NDUFS7: variants seen among roughly 807,000 people sequenced by gnomAD.
NDUFS7 encodes the protein NADH dehydrogenase [ubiquinone] iron-sulfur protein 7, mitochondrial.
NDUFS7 carries 11 observed loss-of-function variants against 31.1 expected under a neutral mutation model. That is an observed-to-expected ratio of 0.35 (90% confidence interval 0.22 to 0.59). The LOEUF (loss-of-function observed/expected upper bound fraction) is 0.59, where lower values mean the gene tolerates loss of function less well. Among genes scored for constraint, NDUFS7 ranks in the 20% least tolerant of loss-of-function variants. NDUFS7 has a pLI of 0.79. For synonymous variants in NDUFS7, 136 were observed against 127.9 expected, an observed-to-expected ratio of 1.06 and a Z score of -0.43; for missense variants, 263 against 324.2, an observed-to-expected ratio of 0.81 and a Z score of 1.45.
intron 1 of NDUFS7, among the ~76,000 whole-genome samples, chr19:1,385,512 T>TCAAAAA (rs569820961): frequency 9.1e-5 from 13 of 142,780 alleles, no homozygotes; most frequent in Non-Finnish European, 1.5e-4. Context: ...AAACTCCGTC[T>TCAAAAA]CAAAAACAAA....
intron 1 of NDUFS7, 38 bp downstream of exon 1, chr19:1,383,980 G>A (rs755328527): frequency 7.8e-6 from 12 of 1,547,836 alleles, no homozygotes; most frequent in South Asian, 1.2e-5. Flanking sequence ...GGGCCGCGCG[G>A]GTCTGGGGCC....
intron 7 of NDUFS7, chr19:1,394,949 C>T (rs2082585696): frequency 8.9e-7 from 1 of 1,119,260 alleles, no homozygotes; most frequent in South Asian, 2.2e-5. Flanking sequence ...TCATCGGGTC[C>T]TCGTGGGATG....
At chr19:1,395,322 G>A (rs911482124) in intron 7 of NDUFS7, 69 bp from the exon 8 acceptor site, 92 of 1,545,360 alleles carry the variant, frequency 6.0e-5, no homozygotes, top group African/African-American at 2.0e-4. Flanking sequence ...AAGCCGAGCC[G>A]GCTGCGCTGT....
chr19:1,390,562 G>A (rs534457093), intron 4 of NDUFS7: 36 of 523,658 alleles, frequency 6.9e-5, no homozygotes, highest in Non-Finnish European at 1.2e-4. Flanking sequence ...TGTAGCCCAC[G>A]CGCTCAGAGA....
chr19:1,389,714 C>T (rs1644722046), intron 4 of NDUFS7: 3 of 348,976 alleles, frequency 8.6e-6, no homozygotes, highest in South Asian at 6.5e-5. Context: ...TGAGCACGTG[C>T]AGCTCCCTCC....
chr19:1,388,899 G>A lies in NDUFS7; in HGVS notation c.189G>A (p.Val63=), dbSNP rs774148682. Reference sequence around the variant, plus strand: ...AACCCAGCAGCCGGGGCGAGTATGTGGTGGCCAAGCTGGATGACCTCGTCA... The same window carrying A: ...AACCCAGCAGCCGGGGCGAGTATGTAGTGGCCAAGCTGGATGACCTCGTCA... ...APKPSSRGEY[V]VAKLDDLVNW... Residue 63 remains valine, a synonymous_variant, in exon 4 of 8, where the codon GTG becomes GTA. Transcript: ENST00000233627. 1.5e-5 allele frequency: 24 copies of A among 1,610,306 alleles called. 1 individual carries two copies. The highest frequency in any genetic ancestry group is 1.8e-5 in the Non-Finnish European group (21 of 1,178,714).
At chr19:1,389,798 GT>G (rs1568991404) in intron 4 of NDUFS7, 2 of 327,706 alleles carry the variant, frequency 6.1e-6, no homozygotes, top group South Asian at 2.5e-5. Flanking sequence ...GTTTCCTTTT[GT>G]TTTTTGTTTC....
chr19:1,387,719 G>GT, intron 1 of NDUFS7, 92 bp from the exon 2 acceptor site: 1 of 1,178,540 alleles, frequency 8.5e-7, no homozygotes. Context: ...GAGCTAGGCT[G>GT]TGCGGGCAGG....
intron 3 of NDUFS7, 30 bp from the exon 4 acceptor site, chr19:1,388,803 G>A (rs1187196168): frequency 2.6e-6 from 4 of 1,564,054 alleles, no homozygotes; most frequent in Non-Finnish European, 3.5e-6. Context: ...CGTGGCTGAC[G>A]CCTCCTGTGC....
At position 1,390,969 on chromosome 19, in the gene NDUFS7, C is replaced by T. The variant is rs150286318; in HGVS notation, c.327C>T (p.Val109=). 4.2e-5 allele frequency: 68 copies of T among 1,612,472 alleles called. 1 individual carries two copies. In the African/African-American group the frequency reaches 8.5e-4, roughly 20 times the overall value. Residue 109 remains valine (V), a synonymous_variant, in exon 5 of 8, where the codon GTC becomes GTT. Coordinates refer to ENST00000233627, the MANE Select transcript of NDUFS7 (RefSeq NM_024407.5). ...PRYDMDRFGV[V]FRASPRQSDV... ...ACGACATGGACCGCTTTGGCGTGGT[C>T]TTCCGCGCCAGCCCGCGCCAGTCCG...
At chr19:1,388,363 G>C in intron 2 of NDUFS7, 162 bp from the exon 3 acceptor site, 1 of 693,496 alleles carries the variant, frequency 1.4e-6, no homozygotes, top group Non-Finnish European at 2.5e-6. Context: ...CGGGGCGATG[G>C]CCGCATGGCT....
chr19:1,395,323 G>T, intron 7 of NDUFS7, 68 bp from the exon 8 acceptor site: 1 of 1,546,560 alleles, frequency 6.5e-7, no homozygotes, highest in African/African-American at 1.4e-5. Context: ...AGCCGAGCCG[G>T]CTGCGCTGTG....
At position 1,394,318 on chromosome 19, in the gene NDUFS7, C is replaced by T. The variant is rs1015751944; in HGVS notation, c.544+988C>T. Reference sequence around the variant, plus strand: ...ACTTGACAGCACAGAGAGGTCCATCCTGGGGTCAGGAGCTCTGCCCATGCC... The same window carrying T: ...ACTTGACAGCACAGAGAGGTCCATCTTGGGGTCAGGAGCTCTGCCCATGCC... On this transcript the variant is annotated intron_variant, in intron 7 of 7. Transcript: ENST00000233627. The T allele has an allele frequency of 8.6e-6, 11 of 1,272,596 alleles. 1 individual carries two copies. The Admixed American group carries it at 1.6e-4, about 19-fold the overall frequency. The allele number at this position is 1,272,596 out of a possible 1,614,324, so 78.8% of individuals were successfully genotyped here.
At chr19:1,388,674 C>A in intron 3 of NDUFS7, 81 bp downstream of exon 3, 2 of 1,469,130 alleles carry the variant, frequency 1.4e-6, no homozygotes, top group African/African-American at 1.4e-5. Flanking sequence ...AGTGCCGCAG[C>A]CACTGAGGTG....
At chr19:1,391,258 A>G (rs1568994075) in intron 6 of NDUFS7, 93 bp downstream of exon 6, 106 of 1,465,240 alleles carry the variant, frequency 7.2e-5, no homozygotes, top group Non-Finnish European at 9.6e-5. Flanking sequence ...TGTCATCTAC[A>G]TTCAGTGAAA....
At position 1,393,510 on chromosome 19, in the gene NDUFS7, C is replaced by T. The variant is rs954544090; in HGVS notation, c.544+180C>T. The T allele has an allele frequency of 2.0e-5, 14 of 692,712 alleles. No homozygotes were observed. Among genetic ancestry groups the T allele is most frequent in the African/African-American group, 5.3e-5 (3 of 56,948 alleles). 42.9% of individuals were successfully genotyped at this position (692,712 alleles called of 1,614,324 possible). ...GAGCCTGTCCCCTGTGAGAAGTCGG[C>T]GATGTATTCAGGCATCAGAGGGATC... is the stretch of plus-strand genomic sequence containing the variant. On this transcript the variant is annotated intron_variant, in intron 7 of 7. Coordinates refer to ENST00000233627, the MANE Select transcript of NDUFS7 (RefSeq NM_024407.5). The surrounding 1 kb of genome is among the most constrained non-coding windows in gnomAD (Gnocchi z 7.3).
intron 4 of NDUFS7, chr19:1,389,895 T>C (rs2082542900): frequency 4.8e-6 from 1 of 209,394 alleles, no homozygotes; most frequent in Non-Finnish European, 9.8e-6. Context: ...TCTTTTCTTT[T>C]TCTTTTCTTT....
chr19:1,395,548 G>T lies in NDUFS7; in HGVS notation c.*60G>T, dbSNP rs897045019. 27 of 1,538,684 alleles carry T rather than the reference G, an allele frequency of 1.8e-5. No homozygotes were observed. Among genetic ancestry groups the T allele is most frequent in the Non-Finnish European group, 2.4e-5 (27 of 1,137,286 alleles). On this transcript the variant is annotated 3_prime_UTR_variant, in exon 8 of 8. Coordinates refer to ENST00000233627, the MANE Select transcript of NDUFS7 (RefSeq NM_024407.5). The stretch of plus-strand genomic sequence containing the variant: ...CCTGTCCCCAGCCTGCTTGTGTCCC[G>T]TGAGGTTGTCAATAAACCTGCCCTC...
intron 1 of NDUFS7, 93 bp from the exon 2 acceptor site, chr19:1,387,718 T>C (rs563687456): frequency 1.7e-6 from 2 of 1,152,056 alleles, no homozygotes; most frequent in East Asian, 2.3e-5. Context: ...AGAGCTAGGC[T>C]GTGCGGGCAG....
Sources: gnomAD v4.1 joint callset for allele counts (sites outside exome capture counted in the v4.1 genomes callset) on GRCh38, gnomAD v4.1.1 for gene constraint, Gnocchi (gnomAD v3.1) non-coding constraint, MANE v1.5 for transcripts, NCBI Gene and HGNC (gene_info 2026-07-23, HGNC 2026-07-21) for gene names.